ANXA2: variants seen among roughly 807,000 people sequenced by gnomAD.
ANXA2 encodes annexin II.
Under a neutral mutation model 47.3 loss-of-function variants are expected in ANXA2, and 28 were observed. That is an observed-to-expected ratio of 0.59 (90% CI 0.44 to 0.81). The LOEUF (loss-of-function observed/expected upper bound fraction) is 0.81, where lower values mean the gene tolerates loss of function less well. ANXA2 is among the 40% of genes least tolerant of loss of function. The pLI is 0.00. For synonymous variants in ANXA2, 172 were observed against 155.5 expected (o/e 1.11, Z -0.79); for missense variants, 384 against 414.3 (o/e 0.93, Z 0.64).
chr15:60,395,285 TCTGTTTTGTTCACTG>T (rs1231233823), intron 1 of ANXA2, among the ~76,000 whole-genome samples: 1 of 152,034 alleles, frequency 6.6e-6, no homozygotes, highest in Non-Finnish European at 1.5e-5. Flanking sequence ...TTGGCGGGGG[TCTGTTTTGTTCACTG>T]CTGTATCCCT....
intron 3 of ANXA2, among the ~76,000 whole-genome samples, chr15:60,373,295 G>A (rs1566942015): frequency 6.6e-6 from 1 of 152,180 alleles, no homozygotes; most frequent in Non-Finnish European, 1.5e-5. Context: ...CCCAGTTGAG[G>A]TTTTCTTCAG....
chr15:60,375,476 G>C (rs1392310856), intron 3 of ANXA2, among the ~76,000 whole-genome samples: 1 of 152,012 alleles, frequency 6.6e-6, no homozygotes. Context: ...TAGTTATTTG[G>C]ACCCATATGG....
chr15:60,362,826 C>T (rs2062535380), intron 4 of ANXA2: 1 of 151,958 alleles, frequency 6.6e-6, no homozygotes, highest in Non-Finnish European at 1.5e-5. Context: ...TAATATCTTC[C>T]CTCCTAGAGG....
chr15:60,354,884 G>C (rs1223494457), intron 7 of ANXA2, among the ~76,000 whole-genome samples: 1 of 152,152 alleles, frequency 6.6e-6, no homozygotes, highest in African/African-American at 2.4e-5. Context: ...AAGCAGCCCG[G>C]GAACCCACAG....
intron 3 of ANXA2, among the ~76,000 whole-genome samples, chr15:60,376,091 C>G (rs893560344): frequency 6.6e-6 from 1 of 152,002 alleles, no homozygotes; most frequent in Non-Finnish European, 1.5e-5. Context: ...AAGACAGATG[C>G]CATAGGCCAG....
chr15:60,353,821 G>A (rs1180618560), intron 8 of ANXA2, among the ~76,000 whole-genome samples: 1 of 152,214 alleles, frequency 6.6e-6, no homozygotes, highest in African/African-American at 2.4e-5. Context: ...ACAACCCCAT[G>A]GAGAGGCATA....
At chr15:60,365,779 C>T (rs967434697) in intron 3 of ANXA2, among the ~76,000 whole-genome samples, 1 of 151,660 alleles carries the variant, frequency 6.6e-6, no homozygotes, top group Non-Finnish European at 1.5e-5. Flanking sequence ...CTTTAGCTCT[C>T]ATTTTTAGAG....
At chr15:60,355,052 T>C (rs894486001) in intron 7 of ANXA2, among the ~76,000 whole-genome samples, 1 of 152,050 alleles carries the variant, frequency 6.6e-6, no homozygotes, top group Non-Finnish European at 1.5e-5. Context: ...ACACAAGGGA[T>C]GGCACAGCAC....
At chr15:60,372,692 C>CTTTT (rs574095449) in intron 3 of ANXA2, among the ~76,000 whole-genome samples, 3 of 132,738 alleles carry the variant, frequency 2.3e-5, no homozygotes, top group Non-Finnish European at 3.3e-5. Flanking sequence ...ACAATCTTTC[C>CTTTT]TTTTTTTTTT....
intron 3 of ANXA2, among the ~76,000 whole-genome samples, chr15:60,367,985 T>A: frequency 8.6e-6 from 1 of 115,942 alleles, no homozygotes; most frequent in Admixed American, 9.1e-5. Flanking sequence ...TCTTCTGCCT[T>A]GGGATCCTGT....
rs1044293966 is a variant in ANXA2, at chr15:60,352,567, A to T, written c.589-91T>A. ...GCAAAAAAAACAAAAAAAGCTACAC[A>T]TTCAAAATGCCAAACGAGGAAAGAT... On this transcript the variant is annotated intron_variant, in intron 8 of 12. Coordinates refer to ENST00000451270, the MANE Select transcript of ANXA2 (RefSeq NM_004039.3). The surrounding 1 kb of genome is among the most constrained non-coding windows in gnomAD (Gnocchi z 4.2). 5.2e-5 allele frequency: 46 copies of T among 877,850 alleles called. No homozygotes were observed. The highest frequency in any genetic ancestry group is 8.5e-5 in the African/African-American group (5 of 59,154). 54.4% of individuals were successfully genotyped at this position (877,850 alleles called of 1,614,324 possible).
chr15:60,397,583 G>C (rs1028446788), intron 1 of ANXA2, among the ~76,000 whole-genome samples: 2 of 152,282 alleles, frequency 1.3e-5, no homozygotes, highest in East Asian at 3.9e-4. Flanking sequence ...GGGCGGCCAC[G>C]CCCTGCCTCG....
intron 1 of ANXA2, among the ~76,000 whole-genome samples, chr15:60,387,971 C>T (rs1169239926): frequency 1.6e-4 from 24 of 152,064 alleles, no homozygotes; most frequent in Non-Finnish European, 2.6e-4. Context: ...AGGCAGATCA[C>T]GAGGTCAGGA....
intron 3 of ANXA2, among the ~76,000 whole-genome samples, chr15:60,374,865 C>T (rs974583110): frequency 2.0e-5 from 3 of 152,196 alleles, no homozygotes; most frequent in Non-Finnish European, 4.4e-5. Context: ...CGTTCCCTCC[C>T]GTTCCCTTCC....
chr15:60,355,111 A>G (rs899869023), intron 7 of ANXA2, among the ~76,000 whole-genome samples: 4 of 152,150 alleles, frequency 2.6e-5, no homozygotes, highest in African/African-American at 9.7e-5. Context: ...GCTGAGCGGG[A>G]AAGATGAGCA....
chr15:60,351,618 C>A, intron 10 of ANXA2, 106 bp downstream of exon 10: 1 of 760,844 alleles, frequency 1.3e-6, no homozygotes, highest in Admixed American at 2.0e-5. Context: ...CCAAAGCATG[C>A]ATAGAAGCCA....
intron 7 of ANXA2, among the ~76,000 whole-genome samples, chr15:60,355,271 G>A (rs1241433996): frequency 1.3e-5 from 2 of 152,206 alleles, no homozygotes; most frequent in African/African-American, 4.8e-5. Flanking sequence ...GCAGGTGGTA[G>A]CGAAGAGAGG....
intron 3 of ANXA2, among the ~76,000 whole-genome samples, chr15:60,373,299 T>C (rs1458928573): frequency 2.0e-5 from 3 of 152,212 alleles, no homozygotes; most frequent in Non-Finnish European, 4.4e-5. Flanking sequence ...GTTGAGGTTT[T>C]CTTCAGCAGA....
Position 60,352,470 on chromosome 15 carries a change from A to G in ANXA2, c.595T>C (p.Tyr199His). The change falls in exon 9 of 13, where the codon TAT becomes CAT. Residue 199 changes from tyrosine to histidine, a missense_variant. Tyr to His is a moderately conservative substitution (Grantham distance 83). Transcript: ENST00000451270. This position sits in a 1 kb window ranked among gnomAD's most constrained non-coding sequence, Gnocchi z 4.2. ...CCTTTCCTCTTCACTCCAGCGTCAT[A>G]GAGATCCTACGAGTACAACCAACCA... is the stretch of plus-strand genomic sequence containing the variant. The part of the protein sequence containing the change: ...ELIDQDARDL[Y>H]DAGVKRKGTD... 1 of 1,613,016 alleles carries G rather than the reference A, an allele frequency of 6.2e-7. No homozygotes were observed.
Sources: gnomAD v4.1 joint callset for allele counts (sites outside exome capture counted in the v4.1 genomes callset) on GRCh38, gnomAD v4.1.1 for gene constraint, Gnocchi (gnomAD v3.1) non-coding constraint, MANE v1.5 for transcripts, NCBI Gene and HGNC (gene_info 2026-07-23, HGNC 2026-07-21) for gene names.